The following NKTR variants were observed in gnomAD, a reference collection of about 807,000 sequenced individuals.
NKTR encodes the protein NK-tumor recognition protein.
In NKTR, 67 loss-of-function variants were observed where a neutral mutation model predicts 156.3. The ratio of observed to expected loss-of-function variants is 0.43; its 90% CI spans 0.35 to 0.53. The LOEUF is 0.53. NKTR is among the 20% of genes least tolerant of loss of function. The probability of loss-of-function intolerance (pLI) is 0.01; values close to 1 mark genes in which losing one functional copy is unlikely to be tolerated. For missense variants in NKTR, 1,604 were observed against 1,730.9 expected (o/e 0.93, Z 1.30); for synonymous variants, 640 against 596.6 (o/e 1.07, Z -1.06).
chr3:42,601,021 C>T lies in NKTR; in HGVS notation c.15C>T (p.Asp5=). 3.2e-6 allele frequency: 5 copies of T among 1,579,930 alleles called. No homozygotes were observed. In the African/African-American group the frequency reaches 5.5e-5, roughly 17 times the overall value. MGAQ[D]RPQCHFDIEI... ...CCTCGGTCGCGATGGGGGCGCAGGA[C>T]CGGCCGCAGTGCCACTTCGACATCG... The change falls in exon 2 of 17, where the codon GAC becomes GAT. Residue 5 remains aspartate, a synonymous_variant. Transcript: ENST00000232978.
At chr3:42,603,016 A>C in intron 2 of NKTR, 1 of 141,032 alleles carries the variant, frequency 7.1e-6, no homozygotes, top group Non-Finnish European at 1.5e-5. Context: ...ACGGAGTGAG[A>C]CCCTGTCTCA....
At chr3:42,631,518 A>G (rs190679738) in intron 8 of NKTR, among the ~76,000 whole-genome samples, 1 of 152,098 alleles carries the variant, frequency 6.6e-6, no homozygotes, top group Admixed American at 6.5e-5. Context: ...TATCCACACC[A>G]CCAGTATTTT....
intron 6 of NKTR, chr3:42,627,331 T>C: frequency 1.0e-6 from 1 of 984,838 alleles, no homozygotes; most frequent in South Asian, 4.7e-5. Flanking sequence ...AACTTTCTGC[T>C]TTATCTGTAT....
chr3:42,645,018 C>T (rs761848717), intron 16 of NKTR, among the ~76,000 whole-genome samples: 1 of 151,836 alleles, frequency 6.6e-6, no homozygotes, highest in Non-Finnish European at 1.5e-5. Flanking sequence ...TTGCAAAATG[C>T]CTGGCTCACA....
At chr3:42,608,993 T>C (rs775740992) in intron 2 of NKTR, among the ~76,000 whole-genome samples, 14 of 152,054 alleles carry the variant, frequency 9.2e-5, no homozygotes, top group Non-Finnish European at 5.9e-5. Flanking sequence ...CCGGGCATGG[T>C]GGCGAGCACC....
chr3:42,636,787 TTTG>T (rs1559582873), intron 12 of NKTR, 78 bp from the exon 13 acceptor site: 1 of 1,485,750 alleles, frequency 6.7e-7, no homozygotes, highest in Non-Finnish European at 8.9e-7. Flanking sequence ...GGTCAAGAAC[TTTG>T]TTGTTAACAA....
Position 42,645,885 on chromosome 3 carries a change from C to A in NKTR, c.4302-3C>A. The A allele has an allele frequency of 6.3e-7, 1 of 1,598,524 alleles. No individual in the cohort carries two copies. Among genetic ancestry groups the A allele is most frequent in the Non-Finnish European group, 8.5e-7 (1 of 1,169,662 alleles). ...TTTTATATATTTTGTTTTGTTATTA[C>A]AGGAGTTGTAGATCTTATGGCTCTG... On this transcript the variant is annotated splice_region_variant and splice_polypyrimidine_tract_variant and intron_variant, in intron 16 of 16. Coordinates refer to ENST00000232978, the MANE Select transcript of NKTR (RefSeq NM_005385.4).
intron 2 of NKTR, chr3:42,602,531 G>A (rs1705616550): frequency 6.6e-6 from 1 of 152,082 alleles, no homozygotes; most frequent in Non-Finnish European, 1.5e-5. Context: ...ACTCAGTGAG[G>A]TAGGAAGATA....
chr3:42,628,037 T>C (rs1371197898), intron 6 of NKTR: 1 of 985,312 alleles, frequency 1.0e-6, no homozygotes. Context: ...ATCCACGTAT[T>C]AGCCAAGTGC....
In NKTR at chr3:42,600,789, C is replaced by A. The variant is rs768161901; in HGVS notation, c.-24+11C>A. The A allele has an allele frequency of 2.1e-5, 8 of 383,552 alleles. No homozygotes were observed. The highest frequency in any genetic ancestry group is 3.8e-5 in the Non-Finnish European group (8 of 213,192). The allele number at this position is 383,552 out of a possible 1,614,324, so 23.8% of individuals were successfully genotyped here. On this transcript the variant is annotated intron_variant, in intron 1 of 16. Coordinates refer to ENST00000232978, the MANE Select transcript of NKTR (RefSeq NM_005385.4). ...CTGGAGGCCAGCCAGGTGAAGAGCT[C>A]GCCCGCATGCGTGCGCGCTGCGTGG...
chr3:42,623,531 G>C (rs1204725374), intron 6 of NKTR, among the ~76,000 whole-genome samples: 1 of 152,014 alleles, frequency 6.6e-6, no homozygotes, highest in East Asian at 1.9e-4. Flanking sequence ...TCATGTTTCA[G>C]AACTAAAACA....
rs756565301 is a variant in NKTR at position 42,633,563 on chromosome 3, A to G, written c.774-17A>G. 3.1e-6 allele frequency: 5 copies of G among 1,604,840 alleles called. No homozygotes were observed. The East Asian group carries it at 1.1e-4, about 36-fold the overall frequency. On this transcript the variant is annotated splice_polypyrimidine_tract_variant and intron_variant, in intron 9 of 16. Coordinates refer to ENST00000232978, the MANE Select transcript of NKTR (RefSeq NM_005385.4). ...CAAACATTATACATTTTAATCAGTG[A>G]CTTGGTTTGTTCTAAGTCACTCTGA...
chr3:42,635,057 T>TAAAA (rs58779310), intron 11 of NKTR, 164 bp from the exon 12 acceptor site: 18 of 286,728 alleles, frequency 6.3e-5, no homozygotes, highest in South Asian at 1.1e-4. Flanking sequence ...AGTTAAAAAC[T>TAAAA]AAAAAAAAAA....
chr3:42,629,320 C>T, intron 6 of NKTR: 3 of 958,732 alleles, frequency 3.1e-6, no homozygotes, highest in Non-Finnish European at 3.7e-6. Flanking sequence ...GCTTTTAAAA[C>T]TTAATATTTC....
At chr3:42,611,765 T>G (rs1052536924) in intron 2 of NKTR, among the ~76,000 whole-genome samples, 1 of 151,466 alleles carries the variant, frequency 6.6e-6, no homozygotes, top group South Asian at 2.1e-4. Context: ...GCCTAAACCC[T>G]TATTTCCTCT....
Position 42,646,070 on chromosome 3 carries a change from AGGTG to A in NKTR, c.*96_*99del. 1.1e-6 allele frequency: 1 copy of A among 877,478 alleles called. No individual in the cohort carries two copies. The highest frequency in any genetic ancestry group is 2.2e-5 in the Admixed American group (1 of 44,628). 54.4% of individuals were successfully genotyped at this position (877,478 alleles called of 1,614,324 possible). On this transcript the variant is annotated 3_prime_UTR_variant, in exon 17 of 17. Transcript: ENST00000232978. ...GTCTGTTGTTCTATTTCAATATCAGAGGTGAATTTCAAAAATAGACACTTCTTAA... is the reference window on the plus strand; with the variant it reads ...GTCTGTTGTTCTATTTCAATATCAGAAATTTCAAAAATAGACACTTCTTAA...
At position 42,604,541 on chromosome 3, in the gene NKTR, G is replaced by A. The variant is rs115310973; in HGVS notation, c.58+3477G>A. On this transcript the variant is annotated intron_variant, in intron 2 of 16. Coordinates refer to ENST00000232978, the MANE Select transcript of NKTR (RefSeq NM_005385.4). ...AAATGTCAAATCCAGTTGGCTATTAGTGTTGGTCAATTCTTTTATATCTTT... is the reference window on the plus strand; with the variant it reads ...AAATGTCAAATCCAGTTGGCTATTAATGTTGGTCAATTCTTTTATATCTTT... 3.3e-3 allele frequency among the ~76,000 whole-genome samples: 495 copies of A among 150,928 alleles called. 1 individual carries two copies. Among genetic ancestry groups the A allele is most frequent in the African/African-American group, 0.011 (467 of 41,110 alleles).
chr3:42,645,924 C>CCGAAGTTA lies in NKTR; in HGVS notation c.4340_4347dup (p.Ser1450GlufsTer28). On this transcript the variant is annotated frameshift_variant, in exon 17 of 17. Coordinates refer to ENST00000232978, the MANE Select transcript of NKTR (RefSeq NM_005385.4). LOFTEE classifies it high-confidence loss of function. ...CTTATGGCTCTGACAGTGAAAGTGA[C>CCGAAGTTA]CGAAGTTACTCTCATCACCGGAGCC... 6.2e-7 allele frequency: 1 copy of CCGAAGTTA among 1,612,890 alleles called. No homozygotes were observed. Among genetic ancestry groups the CCGAAGTTA allele is most frequent in the African/African-American group, 1.3e-5 (1 of 74,888 alleles).
intron 16 of NKTR, among the ~76,000 whole-genome samples, chr3:42,644,648 C>G (rs990101984): frequency 6.6e-6 from 1 of 152,094 alleles, no homozygotes; most frequent in East Asian, 1.9e-4. Flanking sequence ...TGATCAGGTC[C>G]AGCCTCCTCA....
Sources: gnomAD v4.1 joint callset for allele counts (sites outside exome capture counted in the v4.1 genomes callset) on GRCh38, gnomAD v4.1.1 for gene constraint, MANE v1.5 for transcripts, NCBI Gene and HGNC (gene_info 2026-07-23, HGNC 2026-07-21) for gene names.